GPC5: variants seen among roughly 807,000 people sequenced by gnomAD.
The protein encoded by GPC5 is glypican 5.
A neutral mutation model predicts 53.9 loss-of-function variants in GPC5; 47 were observed. The ratio of observed to expected loss-of-function variants is 0.87; its 90% CI spans 0.69 to 1.11. The LOEUF (loss-of-function observed/expected upper bound fraction) is 1.11. Among genes scored for constraint, GPC5 ranks in the 50% most tolerant of loss-of-function variants. GPC5 has a pLI of 0.00. For synonymous variants in GPC5, 286 were observed against 263.3 expected, an observed-to-expected ratio of 1.09 and a Z score of -0.84; for missense variants, 748 against 713.1, an observed-to-expected ratio of 1.05 and a Z score of -0.56.
intron 1 of GPC5, among the ~76,000 whole-genome samples, chr13:91,408,817 T>C (rs776389313): frequency 3.9e-5 from 6 of 152,192 alleles, no homozygotes; most frequent in Non-Finnish European, 7.4e-5. Context: ...TTATAATTCC[T>C]TATAGGCAGC....
At chr13:91,603,038 A>G (rs1360327726) in intron 2 of GPC5, among the ~76,000 whole-genome samples, 1 of 152,208 alleles carries the variant, frequency 6.6e-6, no homozygotes, top group African/African-American at 2.4e-5. Context: ...GTTTAGAAAC[A>G]TTTTGGCATG....
chr13:92,267,563 C>A (rs1366606673), intron 7 of GPC5, among the ~76,000 whole-genome samples: 2 of 152,046 alleles, frequency 1.3e-5, no homozygotes, highest in African/African-American at 4.8e-5. Context: ...TTAGTAAAAC[C>A]TGGGACTTGA....
rs117641143 is a variant in GPC5 at position 92,060,559 on chromosome 13, T to C, written c.1402-84271T>C. On this transcript the variant is annotated intron_variant, in intron 6 of 7. Transcript: ENST00000377067. Reference sequence around the variant, plus strand: ...CTCTCATCAACAGCAAAACAAGATATAGAATTCTCAGAGTTCTTTCTTACT... The same window carrying C: ...CTCTCATCAACAGCAAAACAAGATACAGAATTCTCAGAGTTCTTTCTTACT... 5.3e-5 allele frequency among the ~76,000 whole-genome samples: 8 copies of C among 152,148 alleles called. No individual in the cohort carries two copies. The East Asian group carries it at 1.5e-3, about 29-fold the overall frequency.
At chr13:91,718,833 A>G (rs2036403188) in intron 3 of GPC5, among the ~76,000 whole-genome samples, 2 of 152,116 alleles carry the variant, frequency 1.3e-5, no homozygotes, top group African/African-American at 4.8e-5. Context: ...CATGGCTTAT[A>G]GCATTTCTTT....
At chr13:92,319,385 C>T (rs1420577246) in intron 7 of GPC5, among the ~76,000 whole-genome samples, 1 of 143,240 alleles carries the variant, frequency 7.0e-6, no homozygotes, top group African/African-American at 2.6e-5. Context: ...ATTTTTTTTT[C>T]CCCATGATAA....
intron 1 of GPC5, among the ~76,000 whole-genome samples, chr13:91,409,694 G>A (rs893258855): frequency 6.6e-6 from 1 of 152,020 alleles, no homozygotes; most frequent in Admixed American, 6.6e-5. Flanking sequence ...AGATGCCTGT[G>A]TTATTTGTTT....
At position 91,602,194 on chromosome 13, in the gene GPC5, C is replaced by A. The variant is rs116837504; in HGVS notation, c.326-90993C>A. On this transcript the variant is annotated intron_variant, in intron 2 of 7. Transcript: ENST00000377067. ...GTGTCCAGCACCGTTCCGGGCTTTG[C>A]GAGCACCTGACACAGATACAGTGGA... 3.9e-5 allele frequency among the ~76,000 whole-genome samples: 6 copies of A among 152,300 alleles called. 1 individual carries two copies. Among genetic ancestry groups the A allele is most frequent in the African/African-American group, 1.4e-4 (6 of 41,574 alleles).
At chr13:92,701,149 T>TGTC (rs1191371686) in intron 7 of GPC5, among the ~76,000 whole-genome samples, 1 of 152,160 alleles carries the variant, frequency 6.6e-6, no homozygotes, top group African/African-American at 2.4e-5. Flanking sequence ...AATTTATTTT[T>TGTC]GTCATTTTAG....
chr13:92,558,893 T>C (rs983601701), intron 7 of GPC5, among the ~76,000 whole-genome samples: 3 of 152,046 alleles, frequency 2.0e-5, no homozygotes, highest in African/African-American at 7.2e-5. Context: ...ATCCTGGTGC[T>C]GTGAAGTCAG....
intron 1 of GPC5, among the ~76,000 whole-genome samples, chr13:91,435,015 T>A (rs1007704753): frequency 1.3e-5 from 2 of 152,236 alleles, no homozygotes; most frequent in African/African-American, 4.8e-5. Flanking sequence ...TAAGAACGCT[T>A]GTGATTTTTG....
intron 7 of GPC5, among the ~76,000 whole-genome samples, chr13:92,521,100 C>A (rs1180392500): frequency 6.6e-6 from 1 of 152,140 alleles, no homozygotes; most frequent in Non-Finnish European, 1.5e-5. Flanking sequence ...AGGAGAACTA[C>A]AAACCACTGC....
chr13:92,476,523 A>G (rs1398405418), intron 7 of GPC5, among the ~76,000 whole-genome samples: 1 of 151,690 alleles, frequency 6.6e-6, no homozygotes, highest in Non-Finnish European at 1.5e-5. Flanking sequence ...ATACCATTTG[A>G]CCCAGCCATC....
chr13:91,964,482 A>G (rs959784232), intron 6 of GPC5, among the ~76,000 whole-genome samples: 27 of 152,188 alleles, frequency 1.8e-4, no homozygotes, highest in Non-Finnish European at 3.5e-4. Context: ...ATAAATCTTT[A>G]GCTAGACACA....
chr13:91,412,019 A>G (rs1175912986), intron 1 of GPC5, among the ~76,000 whole-genome samples: 1 of 151,840 alleles, frequency 6.6e-6, no homozygotes, highest in African/African-American at 2.4e-5. Flanking sequence ...TCCCTTCCCC[A>G]CCCTTTCCTC....
intron 6 of GPC5, among the ~76,000 whole-genome samples, chr13:92,058,392 GAACA>G (rs1228845786): frequency 6.6e-6 from 1 of 151,992 alleles, no homozygotes; most frequent in East Asian, 1.9e-4. Context: ...AAATTGTGTG[GAACA>G]TACAGAGAGT....
intron 7 of GPC5, among the ~76,000 whole-genome samples, chr13:92,351,623 G>T (rs1422583586): frequency 6.6e-6 from 1 of 151,964 alleles, no homozygotes; most frequent in Non-Finnish European, 1.5e-5. Flanking sequence ...CAAATTATTT[G>T]ATATAATACA....
At chr13:92,797,550 A>T (rs1002285603) in intron 7 of GPC5, among the ~76,000 whole-genome samples, 2 of 151,782 alleles carry the variant, frequency 1.3e-5, no homozygotes, top group Non-Finnish European at 2.9e-5. Context: ...GATCAGAAAA[A>T]CCTCACCTTA....
At chr13:92,379,286 A>T (rs534677084) in intron 7 of GPC5, among the ~76,000 whole-genome samples, 1 of 152,188 alleles carries the variant, frequency 6.6e-6, no homozygotes, top group Non-Finnish European at 1.5e-5. Context: ...ATCAGAGCTC[A>T]TATTATTCCC....
At chr13:92,737,181 T>A (rs1044264705) in intron 7 of GPC5, among the ~76,000 whole-genome samples, 3 of 152,064 alleles carry the variant, frequency 2.0e-5, no homozygotes, top group Non-Finnish European at 4.4e-5. Flanking sequence ...AGTATATATT[T>A]TCATCTCTTT....
Sources: gnomAD v4.1 joint callset for allele counts (sites outside exome capture counted in the v4.1 genomes callset) on GRCh38, gnomAD v4.1.1 for gene constraint, MANE v1.5 for transcripts, NCBI Gene and HGNC (gene_info 2026-07-23, HGNC 2026-07-21) for gene names.